DNMT1: variants seen among roughly 807,000 people sequenced by gnomAD.
DNMT1 encodes the protein DNA methyltransferase 1.
DNMT1 carries 24 observed loss-of-function variants against 205.3 expected under a neutral mutation model. That is an observed-to-expected ratio of 0.12 (90% CI 0.08 to 0.16). DNMT1 has a LOEUF of 0.16. Among genes scored for constraint, DNMT1 ranks in the 10% least tolerant of loss-of-function variants. DNMT1 has a pLI of 1.00. For missense variants in DNMT1, 1,293 were observed against 2,177.7 expected (o/e 0.59, Z 8.09); for synonymous variants, 817 against 839.8 (o/e 0.97, Z 0.47).
chr19:10,177,805 C>T (rs1258666415), intron 5 of DNMT1, among the ~76,000 whole-genome samples: 1 of 151,210 alleles, frequency 6.6e-6, no homozygotes, highest in Non-Finnish European at 1.5e-5. Flanking sequence ...TGGTGGTACA[C>T]ACCTATAATC....
intron 29 of DNMT1, 126 bp from the exon 30 acceptor site, chr19:10,142,346 AG>A: frequency 1.5e-6 from 2 of 1,320,062 alleles, no homozygotes; most frequent in Admixed American, 3.9e-5. Context: ...CGAGAACCGC[AG>A]GGTAAAGACC....
chr19:10,173,975 G>A (rs997697538), intron 7 of DNMT1, 70 bp from the exon 8 acceptor site: 8 of 1,465,168 alleles, frequency 5.5e-6, no homozygotes, highest in South Asian at 1.1e-5. Context: ...CACCAAAAGT[G>A]TGAGTTGAAA....
chr19:10,190,938 C>T (rs988434970), intron 1 of DNMT1, among the ~76,000 whole-genome samples: 3 of 151,966 alleles, frequency 2.0e-5, no homozygotes, highest in Admixed American at 6.6e-5. Flanking sequence ...CATGGCAAAA[C>T]CCAGTCTCTA....
Position 10,137,349 on chromosome 19 carries a change from G to A in DNMT1, c.4294-69C>T. On this transcript the variant is annotated intron_variant, in intron 36 of 40. Coordinates refer to ENST00000359526, the MANE Select transcript of DNMT1 (RefSeq NM_001130823.3). This position sits in a 1 kb window ranked among gnomAD's most constrained non-coding sequence, Gnocchi z 6.4. ...CATCCGAGCATCCATGGTGGGCTGG[G>A]AGCTGGGAACACCATGGTGACCAGG... is the stretch of plus-strand genomic sequence containing the variant. The A allele has an allele frequency of 6.5e-7, 1 of 1,534,662 alleles. No individual in the cohort carries two copies. Among genetic ancestry groups the A allele is most frequent in the South Asian group, 1.2e-5 (1 of 83,922 alleles).
At chr19:10,175,111 A>ACACG (rs2038911520) in intron 7 of DNMT1, among the ~76,000 whole-genome samples, 1 of 137,954 alleles carries the variant, frequency 7.2e-6, no homozygotes, top group African/African-American at 2.7e-5. Flanking sequence ...ACACACACAC[A>ACACG]CACACACACA....
intron 39 of DNMT1, among the ~76,000 whole-genome samples, chr19:10,134,793 G>A (rs1341322627): frequency 2.0e-5 from 3 of 151,106 alleles, no homozygotes; most frequent in Non-Finnish European, 2.9e-5. Flanking sequence ...TGGAGGTGGA[G>A]GTTGCAGTGG....
chr19:10,151,314 AGAGGTCAGGTTGG>A lies in DNMT1; in HGVS notation c.2265+71_2265+83del. On this transcript the variant is annotated intron_variant, in intron 24 of 40. Coordinates refer to ENST00000359526, the MANE Select transcript of DNMT1 (RefSeq NM_001130823.3). This position sits in a 1 kb window ranked among gnomAD's most constrained non-coding sequence, Gnocchi z 5.0. ...TTAGTGCCGGGGCTCAGGCTGCCTG[AGAGGTCAGGTTGG>A]CGAGATACTAGAGGGCAACCTGCTT... The A allele has an allele frequency of 3.1e-6, 5 of 1,588,824 alleles. No individual in the cohort carries two copies. In the South Asian group the frequency reaches 5.6e-5, roughly 18 times the overall value.
chr19:10,169,840 G>C (rs1405458386), intron 9 of DNMT1, among the ~76,000 whole-genome samples: 2 of 152,336 alleles, frequency 1.3e-5, no homozygotes, highest in East Asian at 3.9e-4. Context: ...TTACAGGTGA[G>C]GGATTTCGAT....
In DNMT1 at chr19:10,159,905, G is replaced by A; in HGVS notation, c.1107C>T (p.Cys369=). The A allele has an allele frequency of 1.9e-6, 3 of 1,614,246 alleles. No individual in the cohort carries two copies. In the South Asian group the frequency reaches 3.3e-5, roughly 18 times the overall value. The stretch of plus-strand genomic sequence containing the variant: ...CGTCCAGGTACTGCCCGCACTGAAT[G>A]CACTTGGGAGGGTGGGTCTGTGGGA... ...VMNSKTHPPK[C]IQCGQYLDDP... The change falls in exon 16 of 41, where the codon TGC becomes TGT. Residue 369 remains cysteine, a synonymous_variant. Transcript: ENST00000359526. The surrounding 1 kb of genome is among the most constrained non-coding windows in gnomAD (Gnocchi z 5.0).
chr19:10,168,387 A>G (rs763395344), intron 9 of DNMT1, 23 bp from the exon 10 acceptor site: 2 of 1,613,826 alleles, frequency 1.2e-6, no homozygotes, highest in South Asian at 2.2e-5. Context: ...GAAAAAAGAC[A>G]AGTTAATTTT....
In DNMT1 at chr19:10,140,462, C is replaced by T; in HGVS notation, c.3524-134G>A. On this transcript the variant is annotated intron_variant, in intron 32 of 40. Coordinates refer to ENST00000359526, the MANE Select transcript of DNMT1 (RefSeq NM_001130823.3). This position sits in a 1 kb window ranked among gnomAD's most constrained non-coding sequence, Gnocchi z 8.4. ...TTGGCTCACTGCAAGCTCTGCCTCC[C>T]AGGTTCAAGCGATTCTCCCACCTCA... The T allele has an allele frequency of 5.3e-6, 7 of 1,319,914 alleles. No homozygotes were observed. Among genetic ancestry groups the T allele is most frequent in the Non-Finnish European group, 7.3e-6 (7 of 956,882 alleles). The allele number at this position is 1,319,914 out of a possible 1,614,324, so 81.8% of individuals were successfully genotyped here.
chr19:10,134,442 C>T, intron 39 of DNMT1, 135 bp from the exon 40 acceptor site: 1 of 754,178 alleles, frequency 1.3e-6, no homozygotes, highest in Admixed American at 2.4e-5. Context: ...TCTGGTCCTG[C>T]TCACATGGGC....
intron 10 of DNMT1, among the ~76,000 whole-genome samples, chr19:10,167,711 C>T (rs2038725239): frequency 6.6e-6 from 1 of 152,218 alleles, no homozygotes; most frequent in Admixed American, 6.5e-5. Context: ...GGCCTCTGGC[C>T]TTGGAGCCAT....
chr19:10,168,254 C>T, intron 10 of DNMT1, 76 bp downstream of exon 10: 1 of 1,563,764 alleles, frequency 6.4e-7, no homozygotes, highest in Non-Finnish European at 8.8e-7. Context: ...CCACACCAAC[C>T]CGTTATTTTA....
At position 10,181,544 on chromosome 19, in the gene DNMT1, A is replaced by T. The variant is rs867868448; in HGVS notation, c.117+497T>A. Among the ~76,000 whole-genome samples, 49 of 152,014 alleles carry T rather than the reference A, an allele frequency of 3.2e-4. 1 individual carries two copies. The Middle Eastern group carries it at 0.037, about 116-fold the overall frequency. On this transcript the variant is annotated intron_variant, in intron 2 of 40. Coordinates refer to ENST00000359526, the MANE Select transcript of DNMT1 (RefSeq NM_001130823.3). ...AACTGAGATTGGTTAAAAAAAAAAA[A>T]AACCTGGGCCAGGCATGGTGGCTCA...
chr19:10,164,746 G>T (rs941484095), intron 11 of DNMT1, among the ~76,000 whole-genome samples: 2 of 151,448 alleles, frequency 1.3e-5, no homozygotes, highest in Admixed American at 6.6e-5. Context: ...TGGCCAACAT[G>T]GTGAATCCCT....
chr19:10,145,499 G>C (rs756192090), intron 28 of DNMT1, among the ~76,000 whole-genome samples: 3 of 152,200 alleles, frequency 2.0e-5, no homozygotes, highest in Non-Finnish European at 4.4e-5. Flanking sequence ...CCAACCACAC[G>C]CTGATTCTTA....
rs1234964402 is a variant in DNMT1, at chr19:10,154,135, ATGCAGGG to A, written c.2019+151_2019+157del. On this transcript the variant is annotated intron_variant, in intron 22 of 40. Transcript: ENST00000359526. The surrounding 1 kb of genome is among the most constrained non-coding windows in gnomAD (Gnocchi z 6.3). The stretch of plus-strand genomic sequence containing the variant: ...CTGTCCTATTGACGTTCAATGAAGT[ATGCAGGG>A]TCCTCCCAGACCACTAACTAATTTC... 2.6e-5 allele frequency among the ~76,000 whole-genome samples: 4 copies of A among 152,114 alleles called. No individual in the cohort carries two copies. Among genetic ancestry groups the A allele is most frequent in the Non-Finnish European group, 5.9e-5 (4 of 68,000 alleles).
chr19:10,182,373 G>GTA (rs1168434084), intron 1 of DNMT1, among the ~76,000 whole-genome samples: 36 of 143,986 alleles, frequency 2.5e-4, no homozygotes, highest in African/African-American at 7.7e-4. Context: ...GTGTGTGTGT[G>GTA]TATATATATA....
Sources: gnomAD v4.1 joint callset for allele counts (sites outside exome capture counted in the v4.1 genomes callset) on GRCh38, gnomAD v4.1.1 for gene constraint, Gnocchi (gnomAD v3.1) non-coding constraint, MANE v1.5 for transcripts, NCBI Gene and HGNC (gene_info 2026-07-23, HGNC 2026-07-21) for gene names.